ABTB2: variants seen among roughly 807,000 people sequenced by gnomAD.
ABTB2 encodes the protein ankyrin repeat and BTB domain containing 2, also known as ankyrin repeat and BTB/POZ domain-containing protein 2.
A neutral mutation model predicts 104.1 loss-of-function variants in ABTB2; 56 were observed. That is an observed-to-expected ratio of 0.54 (90% confidence interval 0.43 to 0.67). The LOEUF (loss-of-function observed/expected upper bound fraction) is 0.67. ABTB2 is among the 30% of genes least tolerant of loss of function. The pLI, the probability that ABTB2 is intolerant of heterozygous loss-of-function variation, is 0.00. For missense variants in ABTB2, 1,279 were observed against 1,407.7 expected (o/e 0.91, Z 1.46); for synonymous variants, 606 against 608.2 (o/e 1.00, Z 0.05).
chr11:34,209,720 G>T (rs1853455638), intron 1 of ABTB2, among the ~76,000 whole-genome samples: 1 of 19,290 alleles, frequency 5.2e-5, no homozygotes, highest in South Asian at 2.8e-3. Context: ...GAGGTGAGAG[G>T]TTGGGGGGTC....
chr11:34,331,078 G>A (rs1174899970), intron 1 of ABTB2, among the ~76,000 whole-genome samples: 1 of 152,156 alleles, frequency 6.6e-6, no homozygotes, highest in Non-Finnish European at 1.5e-5. Context: ...CCCATAAAAC[G>A]AGGGAGTTCT....
At chr11:34,290,033 A>G (rs945577671) in intron 1 of ABTB2, among the ~76,000 whole-genome samples, 1 of 152,244 alleles carries the variant, frequency 6.6e-6, no homozygotes, top group African/African-American at 2.4e-5. Flanking sequence ...TTTAAAACAA[A>G]TTAACATAGA....
At chr11:34,345,120 A>T (rs10768059) in intron 1 of ABTB2, among the ~76,000 whole-genome samples, 1 of 152,134 alleles carries the variant, frequency 6.6e-6, no homozygotes, top group Admixed American at 6.5e-5. Flanking sequence ...AGTCCCTCCA[A>T]TGCTTTTCAG....
intron 1 of ABTB2, among the ~76,000 whole-genome samples, chr11:34,333,752 C>T (rs573898764): frequency 2.0e-5 from 3 of 152,082 alleles, no homozygotes; most frequent in East Asian, 1.9e-4. Flanking sequence ...GTGAGACTGT[C>T]TCAAAAAATA....
intron 1 of ABTB2, among the ~76,000 whole-genome samples, chr11:34,352,976 C>A (rs1471240546): frequency 6.6e-6 from 1 of 152,118 alleles, no homozygotes; most frequent in Non-Finnish European, 1.5e-5. Flanking sequence ...CAGGAGGAAC[C>A]CTTAGAACCC....
intron 14 of ABTB2, among the ~76,000 whole-genome samples, chr11:34,157,529 A>G (rs573289693): frequency 6.6e-6 from 1 of 152,166 alleles, no homozygotes; most frequent in Non-Finnish European, 1.5e-5. Flanking sequence ...CGATCCCTGT[A>G]GCCCCTCTAG....
intron 1 of ABTB2, among the ~76,000 whole-genome samples, chr11:34,231,472 G>T (rs1378135724): frequency 6.6e-6 from 1 of 152,192 alleles, no homozygotes; most frequent in Non-Finnish European, 1.5e-5. Flanking sequence ...CGGGAGTGGG[G>T]AATAATACTT....
At chr11:34,181,865 C>T (rs1565134317) in intron 3 of ABTB2, among the ~76,000 whole-genome samples, 1 of 152,224 alleles carries the variant, frequency 6.6e-6, no homozygotes, top group Admixed American at 6.5e-5. Context: ...CTACCTTCAG[C>T]CCTAAATTCT....
At chr11:34,172,418 A>ATATATATATGTG (rs55819950) in intron 4 of ABTB2, among the ~76,000 whole-genome samples, 56 of 84,160 alleles carry the variant, frequency 6.7e-4, no homozygotes, top group South Asian at 2.3e-3. Context: ...ATATATATAT[A>ATATATATATGTG]TGTGTGTGTG....
intron 1 of ABTB2, among the ~76,000 whole-genome samples, chr11:34,260,073 T>G (rs1854170930): frequency 6.6e-6 from 1 of 152,156 alleles, no homozygotes; most frequent in South Asian, 2.1e-4. Context: ...CCTCTCAAAG[T>G]GCCAGGATTA....
rs571701790 is a variant in ABTB2 at position 34,230,805 on chromosome 11, C to A, written c.884-26115G>T. On this transcript the variant is annotated intron_variant, in intron 1 of 16. Transcript: ENST00000435224. ...TCTTTACCTAGTTTCCGAAAACCTT[C>A]TTTCAAAAGGAATGTCCCAGACACT... Among the ~76,000 whole-genome samples, 11 of 152,316 alleles carry A rather than the reference C, an allele frequency of 7.2e-5. No individual in the cohort carries two copies. The East Asian group carries it at 1.9e-3, about 27-fold the overall frequency.
intron 2 of ABTB2, among the ~76,000 whole-genome samples, chr11:34,197,790 A>AG (rs1853281407): frequency 6.6e-6 from 1 of 152,114 alleles, no homozygotes; most frequent in African/African-American, 2.4e-5. Context: ...TCCAGAACTT[A>AG]GGGTAATTTG....
intron 1 of ABTB2, among the ~76,000 whole-genome samples, chr11:34,281,201 C>T (rs1854445294): frequency 6.6e-6 from 1 of 152,190 alleles, no homozygotes; most frequent in Non-Finnish European, 1.5e-5. Flanking sequence ...GTGTGGGCAT[C>T]TTCCTGGTGA....
chr11:34,348,182 C>G lies in ABTB2; in HGVS notation c.883+8519G>C, dbSNP rs1007453305. ...TCTTTTAATGCTTTTACTGCTAGGA[C>G]AGCAGACGGGTGCATTTTTGAGGTC... On this transcript the variant is annotated intron_variant, in intron 1 of 16. Coordinates refer to ENST00000435224, the MANE Select transcript of ABTB2 (RefSeq NM_145804.3). Among the ~76,000 whole-genome samples, 4 of 152,284 alleles carry G rather than the reference C, an allele frequency of 2.6e-5. No homozygotes were observed. The South Asian group carries it at 8.3e-4, about 32-fold the overall frequency.
At chr11:34,162,260 T>C (rs2133006997) in intron 10 of ABTB2, among the ~76,000 whole-genome samples, 1 of 152,310 alleles carries the variant, frequency 6.6e-6, no homozygotes, top group East Asian at 1.9e-4. Context: ...CTCCCAGTGC[T>C]CGACATCCCT....
At chr11:34,270,763 T>C (rs577257648) in intron 1 of ABTB2, among the ~76,000 whole-genome samples, 2 of 152,222 alleles carry the variant, frequency 1.3e-5, no homozygotes, top group Non-Finnish European at 2.9e-5. Flanking sequence ...AGGGGGCAGA[T>C]GCTATTCAGC....
At chr11:34,282,775 G>A (rs1330936586) in intron 1 of ABTB2, among the ~76,000 whole-genome samples, 2 of 151,892 alleles carry the variant, frequency 1.3e-5, no homozygotes, top group Non-Finnish European at 2.9e-5. Context: ...CAGGTGATTC[G>A]CCCACCTCGG....
chr11:34,257,732 C>G (rs1410410195), intron 1 of ABTB2, among the ~76,000 whole-genome samples: 1 of 152,102 alleles, frequency 6.6e-6, no homozygotes, highest in Non-Finnish European at 1.5e-5. Context: ...GGGCTACAGG[C>G]GTACACCACC....
chr11:34,174,321 T>A (rs1395046559), intron 3 of ABTB2, among the ~76,000 whole-genome samples: 1 of 79,280 alleles, frequency 1.3e-5, no homozygotes. Context: ...CGAGACTCCG[T>A]CTCAAAAAAA....
Sources: gnomAD v4.1 joint callset for allele counts (sites outside exome capture counted in the v4.1 genomes callset) on GRCh38, gnomAD v4.1.1 for gene constraint, MANE v1.5 for transcripts, NCBI Gene and HGNC (gene_info 2026-07-23, HGNC 2026-07-21) for gene names.